SGCD: variants seen among roughly 807,000 people sequenced by gnomAD.
The protein encoded by SGCD is delta-sarcoglycan.
SGCD carries 18 observed loss-of-function variants against 36.6 expected under a neutral mutation model. The ratio of observed to expected loss-of-function variants is 0.49; its 90% CI spans 0.34 to 0.73. The LOEUF is 0.73. Ranked by LOEUF, SGCD falls within the 30% of genes least tolerant of loss-of-function variation. SGCD has a pLI of 0.01. For synonymous variants in SGCD, 133 were observed against 130.6 expected, an observed-to-expected ratio of 1.02 and a Z score of -0.12; for missense variants, 387 against 346.7, an observed-to-expected ratio of 1.12 and a Z score of -0.92.
chr5:156,741,121 C>T (rs930374518), intron 7 of SGCD, among the ~76,000 whole-genome samples: 1 of 152,038 alleles, frequency 6.6e-6, no homozygotes, highest in Non-Finnish European at 1.5e-5. Flanking sequence ...GGTCGCTCCC[C>T]AAAGTAACAA....
chr5:156,323,431 T>TA (rs1167903597), upstream of SGCD, among the ~76,000 whole-genome samples: 1 of 152,132 alleles, frequency 6.6e-6, no homozygotes, highest in Non-Finnish European at 1.5e-5. Flanking sequence ...TAATCTACAG[T>TA]AAAAATATCC....
intron 4 of SGCD, among the ~76,000 whole-genome samples, chr5:156,588,066 G>T (rs902660751): frequency 6.6e-6 from 1 of 151,744 alleles, no homozygotes; most frequent in African/African-American, 2.4e-5. Context: ...GGTTCCAAAA[G>T]CCAGGAATGG....
intron 1 of SGCD, among the ~76,000 whole-genome samples, chr5:156,001,814 C>A (rs1217062914): frequency 1.3e-5 from 2 of 152,214 alleles, no homozygotes; most frequent in African/African-American, 2.4e-5. Flanking sequence ...TCGGGCGGAG[C>A]CCCAGTCCTC....
intron 1 of SGCD, among the ~76,000 whole-genome samples, chr5:155,996,879 A>G (rs1023028721): frequency 2.1e-5 from 3 of 143,086 alleles, no homozygotes; most frequent in South Asian, 2.1e-4. Context: ...ATAGATAGAT[A>G]GATAGATAGA....
the SGCD span, among the ~76,000 whole-genome samples, chr5:155,736,934 G>A: frequency 6.6e-6 from 1 of 152,172 alleles, no homozygotes; most frequent in Non-Finnish European, 1.5e-5. Context: ...ATACTGGAAA[G>A]CAATGTAGAA....
the SGCD span, among the ~76,000 whole-genome samples, chr5:155,747,010 G>A: frequency 6.6e-6 from 1 of 152,082 alleles, no homozygotes; most frequent in African/African-American, 2.4e-5. Context: ...GGTGGTCTCT[G>A]GGGTGTGAGA....
chr5:156,529,024 T>C (rs916996115), intron 4 of SGCD, among the ~76,000 whole-genome samples: 3 of 152,170 alleles, frequency 2.0e-5, no homozygotes, highest in African/African-American at 7.2e-5. Flanking sequence ...GCAGCTTGGT[T>C]TGTTCCTTTA....
intron 3 of SGCD, among the ~76,000 whole-genome samples, chr5:156,155,639 A>G (rs1039868201): frequency 2.0e-5 from 3 of 149,638 alleles, no homozygotes; most frequent in African/African-American, 7.5e-5. Flanking sequence ...AAAGAAGCAC[A>G]CAGGATTTAC....
rs74847292 is a variant in SGCD, at chr5:156,646,432, A to C, written c.503-1032A>C. 2.5e-3 allele frequency among the ~76,000 whole-genome samples: 374 copies of C among 152,276 alleles called. 3 individuals carry two copies. The highest frequency in any genetic ancestry group is 8.4e-3 in the African/African-American group (351 of 41,558). ...TAGAAGCCTTCGGAACCTAAAGTCAACCTGGCTATATCCCATATAAGACCT... is the reference window on the plus strand; with the variant it reads ...TAGAAGCCTTCGGAACCTAAAGTCACCCTGGCTATATCCCATATAAGACCT... On this transcript the variant is annotated intron_variant, in intron 6 of 8. Transcript: ENST00000337851.
At chr5:156,133,900 A>T (rs1762387371) in intron 3 of SGCD, among the ~76,000 whole-genome samples, 1 of 139,502 alleles carries the variant, frequency 7.2e-6, no homozygotes, top group Non-Finnish European at 1.5e-5. Context: ...TTTAGGTCTT[A>T]TTTGCCGGGT....
intron 3 of SGCD, among the ~76,000 whole-genome samples, chr5:156,360,034 G>A (rs1014008415): frequency 2.0e-5 from 3 of 152,140 alleles, no homozygotes; most frequent in African/African-American, 7.2e-5. Context: ...ATAGTGCAAA[G>A]TGATAGTGAC....
At position 156,058,505 on chromosome 5, in the gene SGCD, C is replaced by T. The variant is rs1278140865; in HGVS notation, c.-281-59373C>T. On this transcript the variant is annotated intron_variant, in intron 1 of 9. Transcript: ENST00000517913. Reference sequence around the variant, plus strand: ...GCTGAGACTCAGCATTTCTAACGGGCTTCCAGGAATGCTGCTGGCCCATCA... The same window carrying T: ...GCTGAGACTCAGCATTTCTAACGGGTTTCCAGGAATGCTGCTGGCCCATCA... Among the ~76,000 whole-genome samples the T allele has an allele frequency of 8.9e-5, 13 of 145,734 alleles. 2 individuals carry two copies. Among genetic ancestry groups the T allele is most frequent in the Admixed American group, 7.6e-4 (11 of 14,518 alleles).
chr5:156,350,247 T>A (rs1048950872), intron 3 of SGCD, among the ~76,000 whole-genome samples: 25 of 95,868 alleles, frequency 2.6e-4, no homozygotes, highest in African/African-American at 7.3e-4. Flanking sequence ...GGAAAAAAAA[T>A]TATATATATA....
chr5:156,268,263 C>T (rs1766054857), intron 3 of SGCD, among the ~76,000 whole-genome samples: 1 of 152,080 alleles, frequency 6.6e-6, no homozygotes, highest in South Asian at 2.1e-4. Context: ...GATTCCATGT[C>T]TTTGCTATTG....
intron 4 of SGCD, among the ~76,000 whole-genome samples, chr5:156,530,930 T>C (rs886731393): frequency 6.6e-6 from 1 of 151,988 alleles, no homozygotes; most frequent in Admixed American, 6.6e-5. Context: ...TAACAAAGAG[T>C]TTCTTTCTTC....
At chr5:156,449,864 A>G (rs1753930162) in intron 3 of SGCD, among the ~76,000 whole-genome samples, 1 of 151,472 alleles carries the variant, frequency 6.6e-6, no homozygotes, top group Non-Finnish European at 1.5e-5. Context: ...AAAAAAAAAA[A>G]AAAAAAAAGA....
intron 3 of SGCD, among the ~76,000 whole-genome samples, chr5:156,269,487 A>C (rs1230797980): frequency 5.4e-4 from 77 of 143,024 alleles, no homozygotes; most frequent in African/African-American, 2.0e-3. Flanking sequence ...AAAAAAAAAA[A>C]AAAAAAAAAA....
intron 3 of SGCD, among the ~76,000 whole-genome samples, chr5:156,373,842 G>A (rs750112691): frequency 6.6e-6 from 1 of 151,718 alleles, no homozygotes; most frequent in Non-Finnish European, 1.5e-5. Context: ...GTTTGGGTTT[G>A]TATTATGTTT....
chr5:156,642,604 G>T (rs1763077455), intron 6 of SGCD, among the ~76,000 whole-genome samples: 1 of 151,454 alleles, frequency 6.6e-6, no homozygotes, highest in South Asian at 2.1e-4. Context: ...AAGTAGTTGA[G>T]ATTACAGGCT....
Sources: gnomAD v4.1 joint callset for allele counts (sites outside exome capture counted in the v4.1 genomes callset) on GRCh38, gnomAD v4.1.1 for gene constraint, MANE v1.5 for transcripts, NCBI Gene and HGNC (gene_info 2026-07-23, HGNC 2026-07-21) for gene names.